NCAM2: variants seen among roughly 807,000 people sequenced by gnomAD.
NCAM2 encodes the protein neural cell adhesion molecule 2, also known as N-CAM-2.
A neutral mutation model predicts 98.1 loss-of-function variants in NCAM2; 30 were observed. That is an observed-to-expected ratio of 0.31 (90% CI 0.23 to 0.41). NCAM2 has a LOEUF of 0.41. NCAM2 is among the 10% of genes least tolerant of loss of function. The pLI is 1.00. For synonymous variants in NCAM2, 368 were observed against 342.4 expected (o/e 1.07, Z -0.83); for missense variants, 867 against 1,005.8 (o/e 0.86, Z 1.87).
chr21:21,453,272 C>A (rs908059102), intron 12 of NCAM2, among the ~76,000 whole-genome samples: 8 of 150,904 alleles, frequency 5.3e-5, no homozygotes, highest in Admixed American at 2.7e-4. Context: ...AAAGAGGAGT[C>A]AGCAGGGTCT....
At chr21:21,023,532 AAAG>A (rs908047661) in intron 1 of NCAM2, among the ~76,000 whole-genome samples, 15 of 152,068 alleles carry the variant, frequency 9.9e-5, no homozygotes, top group Admixed American at 2.0e-4. Flanking sequence ...AAAAAAAAAA[AAAG>A]AAGAAGAAGG....
intron 1 of NCAM2, among the ~76,000 whole-genome samples, chr21:21,218,339 T>C (rs1452011163): frequency 2.0e-5 from 3 of 152,064 alleles, no homozygotes; most frequent in Non-Finnish European, 4.4e-5. Context: ...TGTGACCAAG[T>C]ATACTCTCAG....
chr21:21,401,947 C>G (rs555835773), intron 9 of NCAM2, among the ~76,000 whole-genome samples: 1 of 152,126 alleles, frequency 6.6e-6, no homozygotes, highest in Admixed American at 6.6e-5. Flanking sequence ...TAATAATACT[C>G]ATAATTTCTT....
intron 9 of NCAM2, among the ~76,000 whole-genome samples, chr21:21,383,036 G>GTATTTTA (rs1158466694): frequency 6.6e-6 from 1 of 151,938 alleles, no homozygotes; most frequent in Non-Finnish European, 1.5e-5. Flanking sequence ...TTAACATCTA[G>GTATTTTA]GTCATTTTAG....
At chr21:21,338,244 T>C (rs961779942) in intron 7 of NCAM2, 145 bp from the exon 8 acceptor site, 64 of 703,806 alleles carry the variant, frequency 9.1e-5, no homozygotes, top group Non-Finnish European at 1.2e-4. Context: ...CTGGTACGTC[T>C]GTAAGGCAAA....
intron 8 of NCAM2, among the ~76,000 whole-genome samples, chr21:21,371,971 T>A (rs975758288): frequency 1.3e-5 from 2 of 151,676 alleles, no homozygotes; most frequent in African/African-American, 4.8e-5. Flanking sequence ...ATTTAATGAC[T>A]CTAAAAGTGT....
At chr21:21,450,713 A>G (rs960046795) in intron 12 of NCAM2, among the ~76,000 whole-genome samples, 3 of 151,674 alleles carry the variant, frequency 2.0e-5, no homozygotes, top group African/African-American at 4.8e-5. Flanking sequence ...TATTATGTCC[A>G]ATATGCATTT....
At chr21:21,264,343 T>C (rs1272215606) in intron 1 of NCAM2, among the ~76,000 whole-genome samples, 1 of 151,900 alleles carries the variant, frequency 6.6e-6, no homozygotes, top group African/African-American at 2.4e-5. Context: ...AGTCAAAAAC[T>C]AACAGATGTT....
intron 12 of NCAM2, among the ~76,000 whole-genome samples, chr21:21,436,619 A>G (rs1978361562): frequency 6.6e-6 from 1 of 152,158 alleles, no homozygotes; most frequent in African/African-American, 2.4e-5. Flanking sequence ...TCAAGTACCA[A>G]AAGCATATTA....
At chr21:21,294,854 A>G (rs1364933264) in intron 5 of NCAM2, among the ~76,000 whole-genome samples, 1 of 150,978 alleles carries the variant, frequency 6.6e-6, no homozygotes, top group Non-Finnish European at 1.5e-5. Flanking sequence ...CCTCTTTTAT[A>G]AAACTGCTTA....
Position 21,121,445 on chromosome 21 carries a change from A to C in NCAM2, c.55+122827A>C, listed in dbSNP as rs1233568319. Among the ~76,000 whole-genome samples, 3 of 152,296 alleles carry C rather than the reference A, an allele frequency of 2.0e-5. No homozygotes were observed. The East Asian group carries it at 5.8e-4, about 29-fold the overall frequency. ...ATATAAACTCCAAATAATTGAAGAAATTTTGCACCGTAATTTTAGATTCAG... is the reference window on the plus strand; with the variant it reads ...ATATAAACTCCAAATAATTGAAGAACTTTTGCACCGTAATTTTAGATTCAG... On this transcript the variant is annotated intron_variant, in intron 1 of 17. Transcript: ENST00000400546.
rs544409585 is a variant in NCAM2 at position 21,290,673 on chromosome 21, T to G, written c.482-1431T>G. On this transcript the variant is annotated intron_variant, in intron 4 of 17. Coordinates refer to ENST00000400546, the MANE Select transcript of NCAM2 (RefSeq NM_004540.5). ...TCACTATTTTCACTTTGGGGGAGCC[T>G]CTGAATCTGTGCATTTTCACCCCTG... Among the ~76,000 whole-genome samples the G allele has an allele frequency of 9.9e-5, 15 of 152,016 alleles. No homozygotes were observed. The South Asian group carries it at 2.9e-3, about 29-fold the overall frequency.
At chr21:21,188,893 C>A (rs781529949) in intron 1 of NCAM2, among the ~76,000 whole-genome samples, 1 of 152,092 alleles carries the variant, frequency 6.6e-6, no homozygotes, top group Non-Finnish European at 1.5e-5. Flanking sequence ...AGCACAGAAC[C>A]TTTTCTTCAA....
At chr21:21,189,040 G>A (rs886279069) in intron 1 of NCAM2, among the ~76,000 whole-genome samples, 2 of 152,088 alleles carry the variant, frequency 1.3e-5, no homozygotes. Context: ...GAACACATGT[G>A]CATTTTAAAT....
At chr21:21,275,568 TTC>T (rs2072698286) in intron 1 of NCAM2, among the ~76,000 whole-genome samples, 1 of 152,160 alleles carries the variant, frequency 6.6e-6, no homozygotes. Flanking sequence ...CTCCCTACCT[TTC>T]TCGTAGGTAA....
Position 21,475,421 on chromosome 21 carries a change from A to G in NCAM2, c.1897-1870A>G, listed in dbSNP as rs558514598. Among the ~76,000 whole-genome samples the G allele has an allele frequency of 5.3e-5, 8 of 152,250 alleles. No homozygotes were observed. In the South Asian group the frequency reaches 1.7e-3, roughly 32 times the overall value. The stretch of plus-strand genomic sequence containing the variant: ...ACATGTCTTGGTCACTATTGTGTTC[A>G]TGCCTTCTAGAAAGTCCTCACTAAT... On this transcript the variant is annotated intron_variant, in intron 14 of 17. Coordinates refer to ENST00000400546, the MANE Select transcript of NCAM2 (RefSeq NM_004540.5).
intron 1 of NCAM2, among the ~76,000 whole-genome samples, chr21:21,244,135 T>C (rs1481646961): frequency 6.6e-6 from 1 of 152,152 alleles, no homozygotes; most frequent in Non-Finnish European, 1.5e-5. Flanking sequence ...CTGATTTAGG[T>C]TGGTGGCAAG....
At chr21:21,322,633 CT>C (rs2074405720) in intron 5 of NCAM2, among the ~76,000 whole-genome samples, 3 of 151,998 alleles carry the variant, frequency 2.0e-5, no homozygotes, top group Non-Finnish European at 4.4e-5. Flanking sequence ...GTTAGTTTTC[CT>C]TGGCTCAAAT....
intron 4 of NCAM2, among the ~76,000 whole-genome samples, chr21:21,291,890 T>C (rs11909751): frequency 0.28 from 37,779 of 137,258 alleles, 5,104 homozygotes; most frequent in Non-Finnish European, 0.33. Flanking sequence ...TTTATTTTAT[T>C]CTTTTAGGAA....
Sources: gnomAD v4.1 joint callset for allele counts (sites outside exome capture counted in the v4.1 genomes callset) on GRCh38, gnomAD v4.1.1 for gene constraint, MANE v1.5 for transcripts, NCBI Gene and HGNC (gene_info 2026-07-23, HGNC 2026-07-21) for gene names.